STAT4: variants seen among roughly 807,000 people sequenced by gnomAD.
STAT4 encodes signal transducer and activator of transcription 4.
In STAT4, 42 loss-of-function variants were observed where a neutral mutation model predicts 110.5. The ratio of observed to expected loss-of-function variants is 0.38; its 90% CI spans 0.30 to 0.49. The LOEUF (loss-of-function observed/expected upper bound fraction) is 0.49, where lower values mean the gene tolerates loss of function less well. Ranked by LOEUF, STAT4 falls within the 20% of genes least tolerant of loss-of-function variation. STAT4 has a pLI of 0.95. For missense variants in STAT4, 632 were observed against 887.9 expected (o/e 0.71, Z 3.66); for synonymous variants, 284 against 302.2 (o/e 0.94, Z 0.63).
chr2:191,089,637 C>T (rs1697737730), intron 3 of STAT4, among the ~76,000 whole-genome samples: 1 of 152,134 alleles, frequency 6.6e-6, no homozygotes, highest in African/African-American at 2.4e-5. Flanking sequence ...TTTATAATTG[C>T]TGAAATTTGA....
At chr2:191,069,588 T>C in intron 6 of STAT4, 105 bp downstream of exon 6, 1 of 839,614 alleles carries the variant, frequency 1.2e-6, no homozygotes, top group Non-Finnish European at 2.0e-6. Context: ...TTCCCTAGGC[T>C]CACCTAAGGA....
intron 3 of STAT4, among the ~76,000 whole-genome samples, chr2:191,136,998 G>A (rs551238003): frequency 2.7e-5 from 4 of 149,458 alleles, no homozygotes; most frequent in East Asian, 2.0e-4. Flanking sequence ...TAAATTTAAC[G>A]AAGAAAGTGA....
intron 3 of STAT4, among the ~76,000 whole-genome samples, chr2:191,114,748 G>A (rs1574169067): frequency 1.3e-5 from 2 of 152,016 alleles, no homozygotes; most frequent in East Asian, 1.9e-4. Context: ...GCTTCTTTAC[G>A]GGCTGCAGAG....
intron 3 of STAT4, among the ~76,000 whole-genome samples, chr2:191,122,211 A>C (rs893421178): frequency 6.6e-6 from 1 of 152,144 alleles, no homozygotes; most frequent in Non-Finnish European, 1.5e-5. Context: ...TAAAAAAATA[A>C]AGAGGATATC....
chr2:191,137,243 G>T (rs1021862689), intron 3 of STAT4, among the ~76,000 whole-genome samples: 4 of 152,094 alleles, frequency 2.6e-5, no homozygotes, highest in African/African-American at 9.7e-5. Flanking sequence ...CTCTTCTCGG[G>T]AGGCTGAGGC....
intron 3 of STAT4, among the ~76,000 whole-genome samples, chr2:191,092,613 C>A (rs556367632): frequency 6.6e-6 from 1 of 152,068 alleles, no homozygotes; most frequent in Non-Finnish European, 1.5e-5. Context: ...CTCCAGTCTG[C>A]AGCTCCCAGT....
chr2:191,032,962 G>T lies in STAT4; in HGVS notation c.2040C>A (p.Cys680Ter), dbSNP rs368928990. Residue 680 changes from cysteine (C) to a stop codon, truncating the protein, a stop_gained, in exon 21 of 24, where the codon TGC becomes TGA. Coordinates refer to ENST00000392320, the MANE Select transcript of STAT4 (RefSeq NM_003151.4). LOFTEE classifies it high-confidence loss of function. This position sits in a 1 kb window ranked among gnomAD's most constrained non-coding sequence, Gnocchi z 4.9. Reference protein sequence around the residue: ...AFGKHYSSQPCEVSRPTERGD... With the variant: ...AFGKHYSSQP ...AAACAAACAGAAAAACCTAACCTTCGCAAGGCTGAGAGCTGTAGTGTTTAC... is the reference window on the plus strand; with the variant it reads ...AAACAAACAGAAAAACCTAACCTTCTCAAGGCTGAGAGCTGTAGTGTTTAC... 1 of 1,594,894 alleles carries T rather than the reference G, an allele frequency of 6.3e-7. No individual in the cohort carries two copies. Among genetic ancestry groups the T allele is most frequent in the Non-Finnish European group, 8.5e-7 (1 of 1,174,106 alleles).
chr2:191,139,218 T>C (rs1315807727), intron 3 of STAT4, among the ~76,000 whole-genome samples: 1 of 151,318 alleles, frequency 6.6e-6, no homozygotes, highest in Non-Finnish European at 1.5e-5. Flanking sequence ...TCCCCACTTC[T>C]AATCAACATA....
In STAT4 at chr2:191,071,701, G is replaced by A. The variant is rs142916701; in HGVS notation, c.465+1397C>T. On this transcript the variant is annotated intron_variant, in intron 5 of 23. Transcript: ENST00000392320. ...CCAAATGTTCCGTAGAGAAACTGAG[G>A]TTATGGCATAAGTGGGGGAATTACA... Among the ~76,000 whole-genome samples, 810 of 152,310 alleles carry A rather than the reference G, an allele frequency of 5.3e-3. 6 individuals carry two copies. Among genetic ancestry groups the A allele is most frequent in the African/African-American group, 0.018 (767 of 41,574 alleles).
chr2:191,034,197 C>T (rs1474099370), intron 18 of STAT4, among the ~76,000 whole-genome samples, 192 bp from the exon 19 acceptor site: 4 of 152,146 alleles, frequency 2.6e-5, no homozygotes, highest in Middle Eastern at 6.8e-3. Flanking sequence ...CCAAGGCGGG[C>T]AGATTATGAG....
At position 191,033,829 on chromosome 2, in the gene STAT4, G is replaced by A. The variant is rs1361548514; in HGVS notation, c.1715+82C>T. ...TTTCTGTGGTACTAAACATGCTTAA[G>A]AGAAAAAGAAAGAAGAAAACCAATA... On this transcript the variant is annotated intron_variant, in intron 19 of 23. Coordinates refer to ENST00000392320, the MANE Select transcript of STAT4 (RefSeq NM_003151.4). The surrounding 1 kb of genome is among the most constrained non-coding windows in gnomAD (Gnocchi z 6.9). 2.9e-6 allele frequency: 4 copies of A among 1,394,454 alleles called. No individual in the cohort carries two copies. 86.4% of individuals were successfully genotyped at this position (1,394,454 alleles called of 1,614,324 possible).
chr2:191,079,111 C>T (rs1697394197), intron 3 of STAT4, among the ~76,000 whole-genome samples: 1 of 152,026 alleles, frequency 6.6e-6, no homozygotes, highest in South Asian at 2.1e-4. Flanking sequence ...TTATGGTTCT[C>T]TCTCTGCTTC....
At position 191,030,949 on chromosome 2, in the gene STAT4, A is replaced by C; in HGVS notation, c.2220+23T>G. 1 of 1,604,788 alleles carries C rather than the reference A, an allele frequency of 6.2e-7. No individual in the cohort carries two copies. The highest frequency in any genetic ancestry group is 8.5e-7 in the Non-Finnish European group (1 of 1,171,708). ...ATCGTTGGAAACACCTTTGACCAGC[A>C]ATGGAAAATAAAGGGAACATACTGC... On this transcript the variant is annotated intron_variant, in intron 23 of 23. Coordinates refer to ENST00000392320, the MANE Select transcript of STAT4 (RefSeq NM_003151.4). The surrounding 1 kb of genome is among the most constrained non-coding windows in gnomAD (Gnocchi z 4.4).
chr2:191,058,599 T>C lies in STAT4; in HGVS notation c.1094+111A>G. The stretch of plus-strand genomic sequence containing the variant: ...TATTTGAAGTACATTCATTATATAA[T>C]GTTAGATAAGTAAATTTAAAAGTTC... On this transcript the variant is annotated intron_variant, in intron 11 of 23. Coordinates refer to ENST00000392320, the MANE Select transcript of STAT4 (RefSeq NM_003151.4). The surrounding 1 kb of genome is among the most constrained non-coding windows in gnomAD (Gnocchi z 4.3). 1 of 693,128 alleles carries C rather than the reference T, an allele frequency of 1.4e-6. No homozygotes were observed. Among genetic ancestry groups the C allele is most frequent in the Non-Finnish European group, 2.5e-6 (1 of 404,536 alleles). 42.9% of individuals were successfully genotyped at this position (693,128 alleles called of 1,614,324 possible). A position where few individuals can be genotyped will look rare whatever the true frequency, so the allele number is the denominator to read the frequency against.
intron 3 of STAT4, among the ~76,000 whole-genome samples, chr2:191,087,164 C>G (rs1043105423): frequency 1.3e-5 from 2 of 152,082 alleles, no homozygotes; most frequent in African/African-American, 4.8e-5. Context: ...ATTCTCAGGA[C>G]TAATATAGTG....
At chr2:191,106,742 C>T (rs1456741506) in intron 3 of STAT4, among the ~76,000 whole-genome samples, 1 of 151,702 alleles carries the variant, frequency 6.6e-6, no homozygotes, top group East Asian at 1.9e-4. Flanking sequence ...GAAAAATGTG[C>T]ATGAGTCAAT....
intron 13 of STAT4, among the ~76,000 whole-genome samples, chr2:191,057,141 C>T (rs552214456): frequency 2.0e-5 from 3 of 152,294 alleles, no homozygotes; most frequent in African/African-American, 7.2e-5. Flanking sequence ...TCTTTGTATC[C>T]ATTAACCAAC....
At chr2:191,148,579 C>T (rs954304514) in intron 1 of STAT4, among the ~76,000 whole-genome samples, 4 of 152,128 alleles carry the variant, frequency 2.6e-5, no homozygotes, top group East Asian at 1.9e-4. Flanking sequence ...TGAAGGCAAA[C>T]GTATTTGACA....
intron 3 of STAT4, among the ~76,000 whole-genome samples, chr2:191,088,620 CA>C (rs2125302334): frequency 6.6e-6 from 1 of 152,198 alleles, no homozygotes; most frequent in South Asian, 2.1e-4. Context: ...AGCCAGATAG[CA>C]ATGACATTGA....
Sources: allele counts gnomAD v4.1 joint callset (sites outside exome capture counted in the v4.1 genomes callset), GRCh38; gene constraint gnomAD v4.1.1; non-coding constraint Gnocchi (gnomAD v3.1); transcripts MANE v1.5; gene names NCBI Gene and HGNC (gene_info 2026-07-23, HGNC 2026-07-21).